The following GRIA4 variants were observed in gnomAD, a reference collection of about 807,000 sequenced individuals.
GRIA4 encodes glutamate ionotropic receptor AMPA type subunit 4.
A neutral mutation model predicts 104.0 loss-of-function variants in GRIA4; 34 were observed. The ratio of observed to expected loss-of-function variants is 0.33; its 90% CI spans 0.25 to 0.44. The LOEUF (loss-of-function observed/expected upper bound fraction) is 0.44. GRIA4 is among the 20% of genes least tolerant of loss of function. The pLI is 1.00. For synonymous variants in GRIA4, 386 were observed against 381.9 expected, an observed-to-expected ratio of 1.01 and a Z score of -0.13; for missense variants, 750 against 1,096.5, an observed-to-expected ratio of 0.68 and a Z score of 4.46.
In GRIA4 at chr11:105,637,323, T is replaced by A. The variant is rs530058579; in HGVS notation, c.247+24889T>A. The stretch of plus-strand genomic sequence containing the variant: ...TTGCTTACAATAACATTATATACAA[T>A]TTTATTATAATATAATTGCTATTTA... On this transcript the variant is annotated intron_variant, in intron 3 of 16. Coordinates refer to ENST00000282499, the MANE Select transcript of GRIA4 (RefSeq NM_000829.4). Among the ~76,000 whole-genome samples, 3 of 152,314 alleles carry A rather than the reference T, an allele frequency of 2.0e-5. No individual in the cohort carries two copies. In the South Asian group the frequency reaches 6.2e-4, roughly 32 times the overall value.
chr11:105,898,641 C>CTAT (rs981576334), intron 7 of GRIA4, among the ~76,000 whole-genome samples: 11 of 152,034 alleles, frequency 7.2e-5, no homozygotes, highest in South Asian at 6.2e-4. Context: ...AGGCAGTTTA[C>CTAT]TATTATTATT....
chr11:105,804,407 A>G (rs911213329), intron 4 of GRIA4, among the ~76,000 whole-genome samples: 13 of 151,646 alleles, frequency 8.6e-5, no homozygotes, highest in Non-Finnish European at 1.3e-4. Context: ...TCCTCAGGAA[A>G]TGACACATAT....
intron 10 of GRIA4, among the ~76,000 whole-genome samples, chr11:105,914,730 C>A (rs1489092393): frequency 2.0e-5 from 3 of 152,030 alleles, no homozygotes; most frequent in Admixed American, 6.6e-5. Context: ...TACTGTCCTG[C>A]AAAGCACAGT....
At chr11:105,907,670 GC>G (rs1228788289) in intron 9 of GRIA4, among the ~76,000 whole-genome samples, 4 of 152,204 alleles carry the variant, frequency 2.6e-5, no homozygotes, top group African/African-American at 9.6e-5. Flanking sequence ...CTCCAGAGCT[GC>G]ATGGTTTCAG....
At chr11:105,929,478 G>T (rs1295174727) in intron 13 of GRIA4, among the ~76,000 whole-genome samples, 2 of 152,038 alleles carry the variant, frequency 1.3e-5, no homozygotes. Context: ...AAATATAGAG[G>T]CATTTAAAGA....
chr11:105,930,053 C>A (rs1947827973), intron 13 of GRIA4, among the ~76,000 whole-genome samples: 1 of 152,106 alleles, frequency 6.6e-6, no homozygotes, highest in African/African-American at 2.4e-5. Flanking sequence ...GTTTTAGGGA[C>A]TTAAATGTTC....
Position 105,753,144 on chromosome 11 carries a change from G to A in GRIA4, c.411G>A (p.Ser137=), listed in dbSNP as rs745523574. ...ESQFVLQLRP[S]LRGALLSLLD... ...AGTTTGTGCTGCAACTAAGACCTTC[G>A]TTACGAGGAGCACTCTTGAGTTTGC... Residue 137 remains serine, a synonymous_variant, in exon 4 of 17, where the codon TCG becomes TCA. Transcript: ENST00000282499. 67 of 1,613,612 alleles carry A rather than the reference G, an allele frequency of 4.2e-5. No homozygotes were observed. Among genetic ancestry groups the A allele is most frequent in the Middle Eastern group, 3.3e-4 (2 of 6,082 alleles).
At chr11:105,634,686 G>C (rs1374990034) in intron 3 of GRIA4, among the ~76,000 whole-genome samples, 1 of 152,062 alleles carries the variant, frequency 6.6e-6, no homozygotes, top group Non-Finnish European at 1.5e-5. Context: ...CAAATTATAT[G>C]ATTTTTACCT....
chr11:105,940,520 C>G (rs1948157284), intron 14 of GRIA4, among the ~76,000 whole-genome samples: 1 of 152,008 alleles, frequency 6.6e-6, no homozygotes, highest in Non-Finnish European at 1.5e-5. Flanking sequence ...TCAGGTTTAC[C>G]ATAAAAATCC....
chr11:105,795,923 A>C (rs78352623), intron 4 of GRIA4, among the ~76,000 whole-genome samples: 60 of 152,238 alleles, frequency 3.9e-4, no homozygotes, highest in African/African-American at 1.4e-3. Flanking sequence ...TAGAGGAAGT[A>C]AGGTAGGAGC....
At chr11:105,912,349 G>T in intron 10 of GRIA4, 1 of 975,428 alleles carries the variant, frequency 1.0e-6, no homozygotes, top group South Asian at 4.7e-5. Flanking sequence ...GTTTTAATGT[G>T]CATTATAGGT....
rs183240094 is a variant in GRIA4 at position 105,929,579 on chromosome 11, T to C, written c.2046+2640T>C. On this transcript the variant is annotated intron_variant, in intron 13 of 16. Transcript: ENST00000282499. Reference sequence around the variant, plus strand: ...TTAAACACAGTGATCTTCATTTCAATGCAGTTTTATCCTGTGCCTGTCTCA... The same window carrying C: ...TTAAACACAGTGATCTTCATTTCAACGCAGTTTTATCCTGTGCCTGTCTCA... Among the ~76,000 whole-genome samples the C allele has an allele frequency of 6.2e-4, 95 of 152,276 alleles. 3 individuals carry two copies. The East Asian group carries it at 0.017, about 27-fold the overall frequency.
chr11:105,629,078 C>CA (rs33935142), intron 3 of GRIA4, among the ~76,000 whole-genome samples: 5,135 of 132,034 alleles, frequency 0.039, 215 homozygotes, highest in African/African-American at 0.094. Context: ...ACTTCTCCAC[C>CA]AAAAAAAAAA....
At chr11:105,647,771 C>A (rs1951570992) in intron 3 of GRIA4, among the ~76,000 whole-genome samples, 1 of 151,982 alleles carries the variant, frequency 6.6e-6, no homozygotes. Flanking sequence ...TAATGGGGAA[C>A]AACCCACACA....
chr11:105,731,796 A>T (rs751548732), intron 3 of GRIA4, among the ~76,000 whole-genome samples: 1 of 152,004 alleles, frequency 6.6e-6, no homozygotes, highest in Non-Finnish European at 1.5e-5. Flanking sequence ...CAAACCCCGC[A>T]TGTTCTCACT....
At chr11:105,800,283 A>G (rs1942666615) in intron 4 of GRIA4, among the ~76,000 whole-genome samples, 1 of 152,014 alleles carries the variant, frequency 6.6e-6, no homozygotes, top group Non-Finnish European at 1.5e-5. Context: ...AATCAAGAGA[A>G]ATGACAAAGA....
At chr11:105,685,195 G>C (rs915994815) in intron 3 of GRIA4, among the ~76,000 whole-genome samples, 2 of 148,716 alleles carry the variant, frequency 1.3e-5, no homozygotes, top group East Asian at 4.1e-4. Context: ...GGGAGGGAGG[G>C]AGGAAGGAAG....
In GRIA4 at chr11:105,846,421, G is replaced by T. The variant is rs557763231; in HGVS notation, c.488-15603G>T. Among the ~76,000 whole-genome samples the T allele has an allele frequency of 2.1e-4, 32 of 152,164 alleles. 1 individual carries two copies. The highest frequency in any genetic ancestry group is 7.5e-4 in the African/African-American group (31 of 41,522). ...TAACTCCTTGCAAAATGGATCTGAGGTGGCTTAATATACAATGAATGCATG... is the reference window on the plus strand; with the variant it reads ...TAACTCCTTGCAAAATGGATCTGAGTTGGCTTAATATACAATGAATGCATG... On this transcript the variant is annotated intron_variant, in intron 4 of 16. Coordinates refer to ENST00000282499, the MANE Select transcript of GRIA4 (RefSeq NM_000829.4).
At chr11:105,825,239 T>G (rs1452151578) in intron 4 of GRIA4, among the ~76,000 whole-genome samples, 1 of 151,992 alleles carries the variant, frequency 6.6e-6, no homozygotes, top group Non-Finnish European at 1.5e-5. Flanking sequence ...GTGGCCACAT[T>G]CATTTTTGAT....
Sources: allele counts gnomAD v4.1 joint callset (sites outside exome capture counted in the v4.1 genomes callset), GRCh38; gene constraint gnomAD v4.1.1; transcripts MANE v1.5; gene names NCBI Gene and HGNC (gene_info 2026-07-23, HGNC 2026-07-21).